GABRA3: variants seen among roughly 807,000 people sequenced by gnomAD.
GABRA3 encodes the protein gamma-aminobutyric acid type A receptor subunit alpha3.
A neutral mutation model predicts 30.1 loss-of-function variants in GABRA3; 10 were observed. That is an observed-to-expected ratio of 0.33 (90% CI 0.20 to 0.56). The LOEUF (loss-of-function observed/expected upper bound fraction) is 0.56. Ranked by LOEUF, GABRA3 falls within the 20% of genes least tolerant of loss-of-function variation. The pLI, the probability that GABRA3 is intolerant of heterozygous loss-of-function variation, is 0.89. For missense variants in GABRA3, 233 were observed against 392.0 expected, an observed-to-expected ratio of 0.59 and a Z score of 3.42; for synonymous variants, 151 against 146.8, an observed-to-expected ratio of 1.03 and a Z score of -0.21.
At chrX:152,267,395 ATTG>A (rs1188912644) in intron 4 of GABRA3, among the ~76,000 whole-genome samples, 2 of 111,344 alleles carry the variant, frequency 1.8e-5, no homozygotes, top group Non-Finnish European at 3.8e-5. Context: ...TTTTTAATGT[ATTG>A]TTGTATTTGC....
At chrX:152,305,775 A>C (rs1244417975) in intron 3 of GABRA3, among the ~76,000 whole-genome samples, 2 of 111,544 alleles carry the variant, frequency 1.8e-5, no homozygotes, top group African/African-American at 6.5e-5. Flanking sequence ...ATTAAATATT[A>C]AAGTGAAAAT....
chrX:152,320,836 C>A (rs1243674069), intron 3 of GABRA3, among the ~76,000 whole-genome samples: 1 of 112,101 alleles, frequency 8.9e-6, no homozygotes, highest in East Asian at 2.8e-4. Context: ...TAACATTAAT[C>A]ACACAGAGGA....
At chrX:152,319,915 G>A (rs1181845392) in intron 3 of GABRA3, among the ~76,000 whole-genome samples, 1 of 110,626 alleles carries the variant, frequency 9.0e-6, no homozygotes, top group Non-Finnish European at 1.9e-5. Flanking sequence ...GTAGGCTAAG[G>A]ACATGAATAG....
intron 5 of GABRA3, among the ~76,000 whole-genome samples, chrX:152,246,084 A>G (rs1452203537): frequency 3.6e-5 from 4 of 111,676 alleles, no homozygotes; most frequent in Non-Finnish European, 7.5e-5. Flanking sequence ...TGCCTTGTCC[A>G]TGGTTACACT....
chrX:152,198,690 T>A (rs1013671752), intron 7 of GABRA3, among the ~76,000 whole-genome samples: 1 of 112,017 alleles, frequency 8.9e-6, no homozygotes, highest in African/African-American at 3.2e-5. Context: ...TTCCTGTTCC[T>A]TTTAATTTCT....
intron 1 of GABRA3, among the ~76,000 whole-genome samples, chrX:152,381,024 GA>G (rs763624681): frequency 1.8e-5 from 2 of 111,275 alleles, no homozygotes; most frequent in South Asian, 7.7e-4. Context: ...TCGTTCCTAG[GA>G]GAGTGAATTG....
chrX:152,195,951 C>T (rs1049822805), intron 8 of GABRA3, among the ~76,000 whole-genome samples: 3 of 111,220 alleles, frequency 2.7e-5, no homozygotes, highest in African/African-American at 9.8e-5. Context: ...TTTACCAAGA[C>T]CAGGAGTCCA....
At chrX:152,379,687 T>C (rs1044772029) in intron 1 of GABRA3, among the ~76,000 whole-genome samples, 3 of 111,673 alleles carry the variant, frequency 2.7e-5, no homozygotes, top group African/African-American at 9.7e-5. Flanking sequence ...GTTGATAAAA[T>C]TTGACAAAGG....
At chrX:152,229,337 G>C (rs1198266063) in intron 5 of GABRA3, among the ~76,000 whole-genome samples, 1 of 111,360 alleles carries the variant, frequency 9.0e-6, no homozygotes, top group Non-Finnish European at 1.9e-5. Context: ...TTCTTTGGGA[G>C]ACGAGGATAC....
intron 1 of GABRA3, among the ~76,000 whole-genome samples, chrX:152,366,495 C>T (rs771046671): frequency 1.7e-4 from 19 of 111,906 alleles, no homozygotes; most frequent in Admixed American, 5.7e-4. Context: ...TTCAAATTAT[C>T]ATGGTAGATA....
At chrX:152,239,340 TGCACTGTGGTCTGAGA>T (rs1361606201) in intron 5 of GABRA3, among the ~76,000 whole-genome samples, 9 of 108,002 alleles carry the variant, frequency 8.3e-5, no homozygotes, top group Non-Finnish European at 1.1e-4. Context: ...CTAGTTTGAT[TGCACTGTGGTCTGAGA>T]GATAGTTTGT....
chrX:152,177,792 T>C (rs774721441), intron 9 of GABRA3, among the ~76,000 whole-genome samples: 4 of 111,325 alleles, frequency 3.6e-5, no homozygotes, highest in Non-Finnish European at 7.5e-5. Context: ...GCAAATAAAG[T>C]GAACTGGTTG....
At chrX:152,242,228 T>C (rs1313840245) in intron 5 of GABRA3, among the ~76,000 whole-genome samples, 2 of 111,178 alleles carry the variant, frequency 1.8e-5, no homozygotes, top group Non-Finnish European at 3.8e-5. Flanking sequence ...GATATCCACA[T>C]ACAGAAGAAT....
intron 3 of GABRA3, among the ~76,000 whole-genome samples, chrX:152,335,087 C>T (rs1194753505): frequency 2.7e-5 from 3 of 111,481 alleles, no homozygotes; most frequent in Non-Finnish European, 5.6e-5. Context: ...GGCACGGAGA[C>T]TCTAACTTGG....
At chrX:152,444,073 T>C (rs747455845) in intron 1 of GABRA3, among the ~76,000 whole-genome samples, 1 of 111,315 alleles carries the variant, frequency 9.0e-6, no homozygotes, top group Non-Finnish European at 1.9e-5. Context: ...TAAATGTCTC[T>C]TCATTTTCAA....
At position 152,278,842 on chromosome X, in the gene GABRA3, C is replaced by G. The variant is rs761573121; in HGVS notation, c.330+5826G>C. On this transcript the variant is annotated intron_variant, in intron 4 of 9. Coordinates refer to ENST00000370314, the MANE Select transcript of GABRA3 (RefSeq NM_000808.4). The stretch of plus-strand genomic sequence containing the variant: ...TGGTATCTCATTGTGGTTTTGATTT[C>G]CATTTCTCTGATTGCCACTGATGAT... Among the ~76,000 whole-genome samples the G allele has an allele frequency of 2.7e-4, 30 of 112,049 alleles. No individual in the cohort carries two copies. In the South Asian group the frequency reaches 3.0e-3, roughly 11 times the overall value.
intron 2 of GABRA3, among the ~76,000 whole-genome samples, chrX:152,352,704 G>A (rs755019371): frequency 4.8e-4 from 53 of 111,409 alleles, no homozygotes; most frequent in South Asian, 1.9e-3. Flanking sequence ...ATAAAAATTC[G>A]GAATTACTGA....
intron 2 of GABRA3, 33 bp from the exon 3 acceptor site, chrX:152,345,735 T>G: frequency 8.8e-7 from 1 of 1,130,031 alleles, no homozygotes; most frequent in Non-Finnish European, 1.2e-6. Flanking sequence ...AAAAAAATAA[T>G]AGTTCTTAAT....
chrX:152,292,383 G>C (rs374173627), intron 3 of GABRA3, among the ~76,000 whole-genome samples: 2 of 111,336 alleles, frequency 1.8e-5, no homozygotes, highest in Non-Finnish European at 3.8e-5. Context: ...CTGTGGGATC[G>C]GTGGTGATAT....
Sources: allele counts gnomAD v4.1 joint callset (sites outside exome capture counted in the v4.1 genomes callset), GRCh38; gene constraint gnomAD v4.1.1; transcripts MANE v1.5; gene names NCBI Gene and HGNC (gene_info 2026-07-23, HGNC 2026-07-21).